LRRIQ1: variants seen among roughly 807,000 people sequenced by gnomAD.
The protein encoded by LRRIQ1 is leucine rich repeats and IQ motif containing 1, also known as leucine-rich repeat- and IQ domain-containing protein 1.
LRRIQ1 carries 210 observed loss-of-function variants against 211.9 expected under a neutral mutation model. The ratio of observed to expected loss-of-function variants is 0.99; its 90% confidence interval spans 0.89 to 1.11. LRRIQ1 has a LOEUF of 1.11. Among genes scored for constraint, LRRIQ1 ranks in the 50% most tolerant of loss-of-function variants. The probability of loss-of-function intolerance (pLI) is 0.00; values close to 1 mark genes in which losing one functional copy is unlikely to be tolerated. For missense variants in LRRIQ1, 2,136 were observed against 1,939.5 expected, an observed-to-expected ratio of 1.10 and a Z score of -1.90; for synonymous variants, 699 against 650.1, an observed-to-expected ratio of 1.08 and a Z score of -1.14.
At chr12:85,254,569 A>G (rs1428435143) in intron 1 of LRRIQ1, among the ~76,000 whole-genome samples, 4 of 152,084 alleles carry the variant, frequency 2.6e-5, no homozygotes, top group Admixed American at 6.6e-5. Flanking sequence ...GACTGCAACT[A>G]TATATAAAAA....
In LRRIQ1 at chr12:85,172,354, T is replaced by A. The variant is rs1025154004; in HGVS notation, c.4822+11640T>A. On this transcript the variant is annotated intron_variant, in intron 24 of 26. Transcript: ENST00000393217. ...AACATCTTGGAAAGTTTGTCATCCT[T>A]AAGAATATTGCCTTTTATCTAAACT... is the stretch of plus-strand genomic sequence containing the variant. 3.9e-5 allele frequency among the ~76,000 whole-genome samples: 6 copies of A among 152,194 alleles called. No individual in the cohort carries two copies. The East Asian group carries it at 1.2e-3, about 29-fold the overall frequency.
At chr12:85,213,722 TAAA>T (rs933481141) in intron 24 of LRRIQ1, among the ~76,000 whole-genome samples, 8 of 151,956 alleles carry the variant, frequency 5.3e-5, no homozygotes, top group African/African-American at 1.9e-4. Flanking sequence ...AAAGAACACT[TAAA>T]AACTTATGAG....
At chr12:85,164,429 G>A (rs557738589) in intron 24 of LRRIQ1, among the ~76,000 whole-genome samples, 1 of 152,246 alleles carries the variant, frequency 6.6e-6, no homozygotes, top group South Asian at 2.1e-4. Flanking sequence ...CTTAGGCATG[G>A]GGAGTATTGT....
intron 26 of LRRIQ1, among the ~76,000 whole-genome samples, chr12:85,240,215 A>G (rs972468303): frequency 2.0e-5 from 3 of 152,146 alleles, no homozygotes; most frequent in Non-Finnish European, 2.9e-5. Flanking sequence ...TCAAAAGCAA[A>G]TGAAAACGTG....
At chr12:85,192,130 T>TA (rs1423793698) in intron 24 of LRRIQ1, among the ~76,000 whole-genome samples, 1 of 151,574 alleles carries the variant, frequency 6.6e-6, no homozygotes, top group African/African-American at 2.4e-5. Context: ...TGATAAGTAT[T>TA]ACAGCTTTTC....
At chr12:85,212,646 G>A (rs1893887556) in intron 24 of LRRIQ1, among the ~76,000 whole-genome samples, 1 of 151,258 alleles carries the variant, frequency 6.6e-6, no homozygotes, top group African/African-American at 2.4e-5. Flanking sequence ...TATGATTCTT[G>A]TATTCTCTAG....
chr12:85,227,520 G>A (rs1894722337), intron 24 of LRRIQ1, among the ~76,000 whole-genome samples: 1 of 151,750 alleles, frequency 6.6e-6, no homozygotes, highest in Non-Finnish European at 1.5e-5. Context: ...TGATGGGGTT[G>A]TTTGATTTTT....
At chr12:85,234,948 A>C (rs1895106011) in intron 26 of LRRIQ1, among the ~76,000 whole-genome samples, 1 of 152,328 alleles carries the variant, frequency 6.6e-6, no homozygotes, top group East Asian at 1.9e-4. Flanking sequence ...AACAATAATT[A>C]GACTGACAGC....
intron 8 of LRRIQ1, among the ~76,000 whole-genome samples, chr12:85,064,376 T>C (rs1002116551): frequency 6.6e-6 from 1 of 151,838 alleles, no homozygotes; most frequent in Non-Finnish European, 1.5e-5. Flanking sequence ...TTATGAGACT[T>C]TTTCCTATTG....
chr12:85,187,655 A>G (rs1205889153), intron 24 of LRRIQ1, among the ~76,000 whole-genome samples: 18 of 150,594 alleles, frequency 1.2e-4, no homozygotes, highest in Admixed American at 1.2e-3. Flanking sequence ...AAAAATACAA[A>G]AAAAATAGCT....
chr12:85,258,125 A>G (rs1896175763), intron 1 of LRRIQ1, among the ~76,000 whole-genome samples: 1 of 150,860 alleles, frequency 6.6e-6, no homozygotes, highest in African/African-American at 2.5e-5. Flanking sequence ...GTCATTCTGA[A>G]TTGTTTTTTC....
chr12:85,137,728 CA>C, intron 18 of LRRIQ1, 121 bp from the exon 19 acceptor site: 2 of 697,086 alleles, frequency 2.9e-6, no homozygotes, highest in Non-Finnish European at 4.3e-6. Context: ...GTTCAGAAAA[CA>C]GATTATTGTG....
At chr12:85,269,956 G>A in the LRRIQ1 span, among the ~76,000 whole-genome samples, 7 of 152,102 alleles carry the variant, frequency 4.6e-5, no homozygotes, top group East Asian at 1.9e-4. Context: ...AAAGAAAGCC[G>A]TCTTCTTACT....
chr12:85,154,389 T>G (rs1890430792), intron 23 of LRRIQ1, among the ~76,000 whole-genome samples: 1 of 151,390 alleles, frequency 6.6e-6, no homozygotes, highest in Non-Finnish European at 1.5e-5. Flanking sequence ...TGGTTCATTT[T>G]GGCAAATGTT....
chr12:85,042,287 C>G (rs934999741), intron 3 of LRRIQ1, among the ~76,000 whole-genome samples: 3 of 150,700 alleles, frequency 2.0e-5, no homozygotes, highest in Non-Finnish European at 4.4e-5. Flanking sequence ...TAAATCAGAG[C>G]CTTATAAAAG....
At chr12:85,124,573 GGAT>G (rs1195746549) in intron 17 of LRRIQ1, 54 bp downstream of exon 17, 1 of 1,322,500 alleles carries the variant, frequency 7.6e-7, no homozygotes, top group Admixed American at 1.8e-5. Context: ...TCCTTTTGAT[GGAT>G]GATATTAGTC....
At chr12:85,163,421 G>A (rs1296384534) in intron 24 of LRRIQ1, among the ~76,000 whole-genome samples, 1 of 152,134 alleles carries the variant, frequency 6.6e-6, no homozygotes, top group African/African-American at 2.4e-5. Flanking sequence ...ATGTGGAACA[G>A]TATCTCAGCA....
chr12:85,105,043 C>G (rs1441057462), intron 14 of LRRIQ1, among the ~76,000 whole-genome samples: 2 of 151,910 alleles, frequency 1.3e-5, no homozygotes, highest in Non-Finnish European at 2.9e-5. Flanking sequence ...TTTTTGCACC[C>G]TCTTTTGTTG....
chr12:85,225,494 AGTAT>A (rs1363439656), intron 24 of LRRIQ1, among the ~76,000 whole-genome samples: 1 of 152,182 alleles, frequency 6.6e-6, no homozygotes, highest in African/African-American at 2.4e-5. Context: ...TCCTATAATG[AGTAT>A]GTATTATTTT....
Sources: gnomAD v4.1 joint callset for allele counts (sites outside exome capture counted in the v4.1 genomes callset) on GRCh38, gnomAD v4.1.1 for gene constraint, MANE v1.5 for transcripts, NCBI Gene and HGNC (gene_info 2026-07-23, HGNC 2026-07-21) for gene names.